Variants in PASD1 observed in about 807,000 individuals in gnomAD.
PASD1 encodes circadian clock protein PASD1.
A neutral mutation model predicts 58.8 loss-of-function variants in PASD1; 13 were observed. The observed-to-expected ratio is 0.22, with a 90% confidence interval of 0.14 to 0.35. The LOEUF (loss-of-function observed/expected upper bound fraction) is 0.35. Among genes scored for constraint, PASD1 ranks in the 10% least tolerant of loss-of-function variants. The probability of loss-of-function intolerance (pLI) is 1.00; values close to 1 mark genes in which losing one functional copy is unlikely to be tolerated. For missense variants in PASD1, 734 were observed against 568.3 expected (o/e 1.29, Z -2.96); for synonymous variants, 236 against 216.7 (o/e 1.09, Z -0.78).
chrX:151,616,601 C>T (rs1049511627), intron 4 of PASD1, among the ~76,000 whole-genome samples: 13 of 110,363 alleles, frequency 1.2e-4, no homozygotes, highest in African/African-American at 4.0e-4. Flanking sequence ...ACTCACCCTA[C>T]TCTGTCATTC....
intron 11 of PASD1, among the ~76,000 whole-genome samples, chrX:151,670,083 GTCTC>G (rs956246708): frequency 8.9e-6 from 1 of 111,763 alleles, no homozygotes; most frequent in Non-Finnish European, 1.9e-5. Context: ...TCTCAAATGT[GTCTC>G]TATATCGTCT....
intron 1 of PASD1, among the ~76,000 whole-genome samples, chrX:151,576,118 T>A (rs1235440463): frequency 1.8e-5 from 2 of 108,815 alleles, no homozygotes; most frequent in African/African-American, 6.7e-5. Context: ...TCTGCCCCCC[T>A]CGGCTTCTCA....
At position 151,643,295 on chromosome X, in the gene PASD1, C is replaced by A. The variant is rs1021843935; in HGVS notation, c.630-5320C>A. 5.4e-5 allele frequency among the ~76,000 whole-genome samples: 6 copies of A among 111,296 alleles called. 1 individual carries two copies. The highest frequency in any genetic ancestry group is 2.0e-4 in the African/African-American group (6 of 30,593). ...TTCCAGAAGCAAAACTAAGAAGGAG[C>A]CAGGAGTTGGTCAAGATTGCATCCT... On this transcript the variant is annotated intron_variant, in intron 8 of 15. Transcript: ENST00000370357.
At chrX:151,633,324 A>G (rs925040788) in intron 8 of PASD1, among the ~76,000 whole-genome samples, 3 of 111,252 alleles carry the variant, frequency 2.7e-5, no homozygotes, top group Non-Finnish European at 5.7e-5. Flanking sequence ...CACCCACCAG[A>G]CAGATACTCA....
chrX:151,670,698 C>G (rs1006708010), intron 11 of PASD1, among the ~76,000 whole-genome samples: 1 of 111,982 alleles, frequency 8.9e-6, no homozygotes, highest in African/African-American at 3.2e-5. Context: ...TATTGGTGGA[C>G]TGCCATTTGT....
At chrX:151,600,983 T>C (rs754746348) in intron 1 of PASD1, among the ~76,000 whole-genome samples, 1 of 112,602 alleles carries the variant, frequency 8.9e-6, no homozygotes, top group South Asian at 3.6e-4. Context: ...TCTAATTGTA[T>C]AGCTCAAAGC....
chrX:151,632,812 G>A, intron 8 of PASD1, among the ~76,000 whole-genome samples: 1 of 110,920 alleles, frequency 9.0e-6, no homozygotes, highest in Non-Finnish European at 1.9e-5. Context: ...AGCCTGTTAA[G>A]TCTTATGTTC....
rs779649297 is a variant in PASD1 at position 151,674,001 on chromosome X, A to G, written c.1990A>G (p.Ile664Val). ...GATAGATACCTCAAACTCTGAGGCA[A>G]TTTCTTCTTCCAGCATTCCTCAGTT... The part of the protein sequence containing the change: ...PLIDTSNSEA[I>V]SSSSIPQFPI... Residue 664 changes from isoleucine (I) to valine (V), a missense_variant, in exon 15 of 16, where the codon ATT becomes GTT. By Grantham distance (29) the Ile-to-Val change is conservative. Coordinates refer to ENST00000370357, the MANE Select transcript of PASD1 (RefSeq NM_173493.3). 2 of 1,210,570 alleles carry G rather than the reference A, an allele frequency of 1.7e-6. No homozygotes were observed. The highest frequency in any genetic ancestry group is 1.1e-6 in the Non-Finnish European group (1 of 894,615).
intron 8 of PASD1, among the ~76,000 whole-genome samples, chrX:151,647,996 G>C (rs1053049338): frequency 1.8e-5 from 2 of 111,198 alleles, no homozygotes; most frequent in African/African-American, 6.5e-5. Flanking sequence ...AGAAAAACTC[G>C]TGAAAACAAA....
chrX:151,637,043 C>CT (rs751185757), intron 8 of PASD1, among the ~76,000 whole-genome samples: 1 of 112,314 alleles, frequency 8.9e-6, no homozygotes, highest in East Asian at 2.8e-4. Context: ...AACACAATTC[C>CT]TTTAAGATTC....
intron 4 of PASD1, 121 bp downstream of exon 4, chrX:151,611,874 T>TG: frequency 2.2e-6 from 1 of 454,618 alleles, no homozygotes; most frequent in Non-Finnish European, 3.6e-6. Flanking sequence ...ACGTGCAGGT[T>TG]TGTTTCATAT....
intron 8 of PASD1, among the ~76,000 whole-genome samples, chrX:151,644,966 C>T (rs1445077157): frequency 9.0e-6 from 1 of 110,639 alleles, no homozygotes; most frequent in Non-Finnish European, 1.9e-5. Context: ...CTTCTAAGAA[C>T]ATAATGACTC....
rs2014538643 is a variant in PASD1, at chrX:151,676,020, C to T, written c.2199C>T (p.Val733=). The change falls in exon 16 of 16, where the codon GTC becomes GTT. Residue 733 remains valine (V), a synonymous_variant. Transcript: ENST00000370357. ...YHQVQVSEVG[V]EGPPDPQAFQ... The stretch of plus-strand genomic sequence containing the variant: ...AGGTGCAAGTTTCTGAGGTAGGAGT[C>T]GAGGGACCTCCTGATCCACAGGCTT... The T allele has an allele frequency of 2.5e-6, 3 of 1,211,304 alleles. No homozygotes were observed. The South Asian group carries it at 5.3e-5, about 21-fold the overall frequency.
At chrX:151,669,259 A>AGT (rs1341158782) in intron 11 of PASD1, among the ~76,000 whole-genome samples, 1 of 106,878 alleles carries the variant, frequency 9.4e-6, no homozygotes, top group African/African-American at 3.4e-5. Context: ...TACTATGTAT[A>AGT]GTGTATATAT....
intron 10 of PASD1, among the ~76,000 whole-genome samples, chrX:151,663,225 C>T (rs781751926): frequency 6.2e-5 from 7 of 112,015 alleles, no homozygotes; most frequent in Admixed American, 5.7e-4. Context: ...TGTCTCCCAT[C>T]CCCTGACAAC....
intron 1 of PASD1, among the ~76,000 whole-genome samples, chrX:151,590,407 T>A (rs1398570800): frequency 5.4e-5 from 6 of 111,185 alleles, no homozygotes; most frequent in Non-Finnish European, 1.1e-4. Flanking sequence ...ATCTTGCAAT[T>A]CTTGCTCCTC....
intron 11 of PASD1, among the ~76,000 whole-genome samples, chrX:151,665,211 T>C: frequency 8.9e-6 from 1 of 112,282 alleles, no homozygotes; most frequent in Non-Finnish European, 1.9e-5. Context: ...TGCGGGGATT[T>C]GCAGACTGCT....
intron 8 of PASD1, among the ~76,000 whole-genome samples, chrX:151,628,170 A>C (rs2013816946): frequency 9.0e-6 from 1 of 110,808 alleles, no homozygotes; most frequent in Non-Finnish European, 1.9e-5. Context: ...GTTCACTCTG[A>C]TGGTAGTTTC....
chrX:151,629,267 G>A (rs1045073992), intron 8 of PASD1, among the ~76,000 whole-genome samples: 15 of 110,811 alleles, frequency 1.4e-4, no homozygotes, highest in African/African-American at 4.3e-4. Flanking sequence ...TTACAGGCAC[G>A]TACCACCACG....
Sources: gnomAD v4.1 joint callset for allele counts (sites outside exome capture counted in the v4.1 genomes callset) on GRCh38, gnomAD v4.1.1 for gene constraint, MANE v1.5 for transcripts, NCBI Gene and HGNC (gene_info 2026-07-23, HGNC 2026-07-21) for gene names.